Variants in LINGO2 observed in about 807,000 individuals in gnomAD.
LINGO2 encodes leucine rich repeat and Ig domain containing 2, also known as leucine-rich repeat and immunoglobulin-like domain-containing nogo receptor-interacting protein 2.
A neutral mutation model predicts 30.6 loss-of-function variants in LINGO2; 14 were observed. The observed-to-expected ratio is 0.46, with a 90% confidence interval of 0.30 to 0.72. LINGO2 has a LOEUF of 0.72. Ranked by LOEUF, LINGO2 falls within the 30% of genes least tolerant of loss-of-function variation. The pLI, the probability that LINGO2 is intolerant of heterozygous loss-of-function variation, is 0.07. For synonymous variants in LINGO2, 317 were observed against 288.5 expected (o/e 1.10, Z -1.00); for missense variants, 729 against 751.7 (o/e 0.97, Z 0.35).
At chr9:28,802,814 G>C in the LINGO2 span, among the ~76,000 whole-genome samples, 1 of 151,984 alleles carries the variant, frequency 6.6e-6, no homozygotes, top group African/African-American at 2.4e-5. Flanking sequence ...TCAATCTGTT[G>C]CTATCTCTTT....
intron 1 of LINGO2, among the ~76,000 whole-genome samples, chr9:28,551,271 T>C (rs1822264979): frequency 6.6e-6 from 1 of 151,892 alleles, no homozygotes; most frequent in Non-Finnish European, 1.5e-5. Context: ...CACAGAAAAC[T>C]AGGCAAATAA....
chr9:28,177,414 G>C (rs969804077), intron 4 of LINGO2, among the ~76,000 whole-genome samples: 32 of 152,260 alleles, frequency 2.1e-4, no homozygotes, highest in African/African-American at 7.7e-4. Flanking sequence ...ATTTCTGAAG[G>C]TCATATGGTA....
Position 28,545,550 on chromosome 9 carries a change from G to C in LINGO2, c.-364-69525C>G, listed in dbSNP as rs374598671. On this transcript the variant is annotated intron_variant, in intron 1 of 5. Coordinates refer to ENST00000379992, the Ensembl canonical transcript of LINGO2. Reference sequence around the variant, plus strand: ...TACAATAAACAGATGAACAATTAAAGAATCAGGGGCTGGCTGGTCTTAACC... The same window carrying C: ...TACAATAAACAGATGAACAATTAAACAATCAGGGGCTGGCTGGTCTTAACC... Among the ~76,000 whole-genome samples the C allele has an allele frequency of 1.6e-4, 24 of 152,062 alleles. No individual in the cohort carries two copies. The East Asian group carries it at 2.7e-3, about 17-fold the overall frequency.
At chr9:27,982,008 G>A (rs961312879) in intron 5 of LINGO2, among the ~76,000 whole-genome samples, 3 of 151,818 alleles carry the variant, frequency 2.0e-5, no homozygotes, top group Non-Finnish European at 2.9e-5. Flanking sequence ...CAGACACCAC[G>A]CTCTTGTCTT....
the LINGO2 span, among the ~76,000 whole-genome samples, chr9:28,972,893 G>T: frequency 6.6e-6 from 1 of 152,116 alleles, no homozygotes; most frequent in South Asian, 2.1e-4. Context: ...CTGTGATTCA[G>T]TTACCTCCCA....
At chr9:28,894,797 T>C in the LINGO2 span, among the ~76,000 whole-genome samples, 2 of 152,192 alleles carry the variant, frequency 1.3e-5, no homozygotes, top group African/African-American at 4.8e-5. Flanking sequence ...GAGTACATTG[T>C]TGAATGACTA....
At chr9:28,908,559 AT>A in the LINGO2 span, among the ~76,000 whole-genome samples, 1 of 151,896 alleles carries the variant, frequency 6.6e-6, no homozygotes, top group African/African-American at 2.4e-5. Flanking sequence ...AGAAAATATT[AT>A]TTTAAAAAGT....
At chr9:28,870,172 A>G in the LINGO2 span, among the ~76,000 whole-genome samples, 1,015 of 152,116 alleles carry the variant, frequency 6.7e-3, 5 homozygotes, top group Non-Finnish European at 0.012. Context: ...CATACCTGAT[A>G]TTTGTAATCC....
At chr9:28,846,392 G>T in the LINGO2 span, among the ~76,000 whole-genome samples, 12 of 124,766 alleles carry the variant, frequency 9.6e-5, no homozygotes, top group Admixed American at 9.3e-4. Flanking sequence ...GAATGCTTTT[G>T]CCATAAAACT....
At chr9:28,714,188 T>TATATACAC in the LINGO2 span, among the ~76,000 whole-genome samples, 1 of 73,366 alleles carries the variant, frequency 1.4e-5, no homozygotes, top group African/African-American at 6.1e-5. Context: ...TATATATATA[T>TATATACAC]ACACACATAC....
At chr9:28,048,103 G>A (rs997326660) in intron 4 of LINGO2, among the ~76,000 whole-genome samples, 3 of 150,724 alleles carry the variant, frequency 2.0e-5, no homozygotes, top group African/African-American at 7.4e-5. Flanking sequence ...CAGTGAGAAG[G>A]GGTAGGAAAA....
intron 2 of LINGO2, among the ~76,000 whole-genome samples, chr9:28,375,851 G>A (rs1821109382): frequency 6.6e-6 from 1 of 152,148 alleles, no homozygotes. Context: ...TCTGAGAGGA[G>A]ACACTGCCTC....
At chr9:29,075,042 G>C in the LINGO2 span, among the ~76,000 whole-genome samples, 6 of 152,054 alleles carry the variant, frequency 3.9e-5, no homozygotes, top group East Asian at 1.2e-3. Flanking sequence ...ATGTGCTTTC[G>C]TCAACTAGCT....
the LINGO2 span, among the ~76,000 whole-genome samples, chr9:28,728,203 C>T: frequency 1.3e-5 from 2 of 152,062 alleles, no homozygotes; most frequent in Admixed American, 6.6e-5. Flanking sequence ...AAAGAAACTG[C>T]CTCTGGCACA....
intron 4 of LINGO2, among the ~76,000 whole-genome samples, chr9:28,199,005 T>A (rs1189161783): frequency 6.6e-6 from 1 of 151,908 alleles, no homozygotes; most frequent in African/African-American, 2.4e-5. Flanking sequence ...GCTTAGAATG[T>A]TATTACGAAG....
Position 28,442,394 on chromosome 9 carries a change from A to G in LINGO2, c.-279+33546T>C, listed in dbSNP as rs114346234. 8.2e-3 allele frequency among the ~76,000 whole-genome samples: 1,246 copies of G among 152,240 alleles called. 17 individuals are homozygous for G. The highest frequency in any genetic ancestry group is 0.027 in the African/African-American group (1,115 of 41,558). ...ATTTTTAACAATAAAGAATGGATTA[A>G]TGATTCTACACTATATACATATATC... is the stretch of plus-strand genomic sequence containing the variant. On this transcript the variant is annotated intron_variant, in intron 2 of 5. Transcript: ENST00000379992.
intron 1 of LINGO2, among the ~76,000 whole-genome samples, chr9:28,577,157 C>T (rs371610122): frequency 2.3e-4 from 35 of 152,204 alleles, no homozygotes; most frequent in Non-Finnish European, 3.7e-4. Context: ...GGTTATGAGA[C>T]GGGCCTGAAT....
chr9:29,164,857 T>G, the LINGO2 span, among the ~76,000 whole-genome samples: 1 of 152,116 alleles, frequency 6.6e-6, no homozygotes, highest in African/African-American at 2.4e-5. Context: ...ATGGCTACAG[T>G]TAACTCATTT....
At chr9:28,762,181 C>T in the LINGO2 span, among the ~76,000 whole-genome samples, 1 of 151,910 alleles carries the variant, frequency 6.6e-6, no homozygotes, top group East Asian at 1.9e-4. Context: ...ATATTTTAAA[C>T]ATAGTTTTTA....
Sources: allele counts gnomAD v4.1 joint callset (sites outside exome capture counted in the v4.1 genomes callset), GRCh38; gene constraint gnomAD v4.1.1; transcripts MANE v1.5; gene names NCBI Gene and HGNC (gene_info 2026-07-23, HGNC 2026-07-21).